The following ZBED4 variants were observed in gnomAD, a reference collection of about 807,000 sequenced individuals.
The protein encoded by ZBED4 is zinc finger BED domain-containing protein 4.
ZBED4 carries 4 observed loss-of-function variants against 15.5 expected under a neutral mutation model. That is an observed-to-expected ratio of 0.26 (90% CI 0.13 to 0.59). ZBED4 has a LOEUF of 0.59. ZBED4 is among the 20% of genes least tolerant of loss of function. The probability of loss-of-function intolerance (pLI) is 0.90; values close to 1 mark genes in which losing one functional copy is unlikely to be tolerated. For synonymous variants in ZBED4, 692 were observed against 608.5 expected (o/e 1.14, Z -2.02); for missense variants, 1,323 against 1,461.8 (o/e 0.91, Z 1.55).
Position 49,886,405 on chromosome 22 carries a change from G to A in ZBED4, c.2743G>A (p.Glu915Lys), listed in dbSNP as rs749555255. ...QKRAINEMSV[E>K]CNFRELISCD... ...AAGGGCCATTAACGAGATGTCCGTC[G>A]AGTGTAACTTCCGAGAGCTGATCAG... is the stretch of plus-strand genomic sequence containing the variant. Residue 915 changes from glutamate to lysine, a missense_variant, in exon 2 of 2, where the codon GAG becomes AAG. Transcript: ENST00000216268. The surrounding 1 kb of genome is among the most constrained non-coding windows in gnomAD (Gnocchi z 7.7). 1.2e-5 allele frequency: 20 copies of A among 1,605,238 alleles called. No individual in the cohort carries two copies. Among genetic ancestry groups the A allele is most frequent in the South Asian group, 1.0e-4 (9 of 90,330 alleles).
In ZBED4 at chr22:49,888,563, G is replaced by C; in HGVS notation, c.*1385G>C. The C allele has an allele frequency of 6.0e-6, 1 of 167,264 alleles. No individual in the cohort carries two copies. Among genetic ancestry groups the C allele is most frequent in the Non-Finnish European group, 1.5e-5 (1 of 68,134 alleles). 10.4% of individuals were successfully genotyped at this position (167,264 alleles called of 1,614,324 possible). On this transcript the variant is annotated 3_prime_UTR_variant, in exon 2 of 2. Transcript: ENST00000216268. ...TGAAATTTCACCTTAACCCCAGACA[G>C]GGCTCCAGGGAAGTGGAGATGTAAT...
chr22:49,884,577 C>G lies in ZBED4; in HGVS notation c.915C>G (p.Val305=), dbSNP rs770426696. The change falls in exon 2 of 2, where the codon GTC becomes GTG. Residue 305 remains valine (V), a synonymous_variant. Transcript: ENST00000216268. The part of the protein sequence containing the change: ...YLSPLDNSKA[V]CIHCMNEFSR... Reference sequence around the variant, plus strand: ...CGCCACTGGACAACTCCAAAGCTGTCTGCATTCACTGCATGAACGAGTTCA... The same window carrying G: ...CGCCACTGGACAACTCCAAAGCTGTGTGCATTCACTGCATGAACGAGTTCA... 6.2e-7 allele frequency: 1 copy of G among 1,612,414 alleles called. No individual in the cohort carries two copies. Among genetic ancestry groups the G allele is most frequent in the Non-Finnish European group, 8.5e-7 (1 of 1,179,124 alleles).
intron 1 of ZBED4, among the ~76,000 whole-genome samples, chr22:49,870,524 G>A (rs1444682550): frequency 2.0e-5 from 3 of 152,046 alleles, no homozygotes; most frequent in East Asian, 1.9e-4. Flanking sequence ...CCATTGTGAC[G>A]GGTGTGAGAT....
At chr22:49,880,287 A>G (rs2060402060) in intron 1 of ZBED4, among the ~76,000 whole-genome samples, 1 of 152,158 alleles carries the variant, frequency 6.6e-6, no homozygotes. Context: ...GAGCCCTGGC[A>G]GTTCTTTTCC....
intron 1 of ZBED4, among the ~76,000 whole-genome samples, chr22:49,862,128 G>T (rs2060299840): frequency 6.6e-6 from 1 of 152,218 alleles, no homozygotes; most frequent in South Asian, 2.1e-4. Context: ...TACTGAATTG[G>T]ATGTAGCACG....
chr22:49,856,415 C>T (rs902501657), intron 1 of ZBED4, among the ~76,000 whole-genome samples: 5 of 152,332 alleles, frequency 3.3e-5, no homozygotes, highest in East Asian at 3.9e-4. Context: ...AAGCATGCTC[C>T]GGAGACCTCA....
chr22:49,857,116 C>G lies in ZBED4; in HGVS notation c.-330+3127C>G, dbSNP rs986436049. The stretch of plus-strand genomic sequence containing the variant: ...GACTTCCTCCAAAGCTGCTCCTCAT[C>G]GAGGCCCACCTGGTGGTCTCTGCTC... On this transcript the variant is annotated intron_variant, in intron 1 of 1. Coordinates refer to ENST00000216268, the MANE Select transcript of ZBED4 (RefSeq NM_014838.3). Among the ~76,000 whole-genome samples, 3 of 152,200 alleles carry G rather than the reference C, an allele frequency of 2.0e-5. No individual in the cohort carries two copies. In the South Asian group the frequency reaches 6.2e-4, roughly 31 times the overall value.
chr22:49,867,685 G>A (rs1368091487), intron 1 of ZBED4, among the ~76,000 whole-genome samples: 1 of 152,146 alleles, frequency 6.6e-6, no homozygotes, highest in African/African-American at 2.4e-5. Flanking sequence ...TGTATCACAC[G>A]CTTGATGACA....
chr22:49,881,148 C>G (rs1569163331), intron 1 of ZBED4, among the ~76,000 whole-genome samples: 1 of 152,102 alleles, frequency 6.6e-6, no homozygotes, highest in Non-Finnish European at 1.5e-5. Context: ...GAGTTCAAGA[C>G]CAGCCTGGCC....
At position 49,887,070 on chromosome 22, in the gene ZBED4, C is replaced by T. The variant is rs1196787981; in HGVS notation, c.3408C>T (p.Asn1136=). ...TCGTCCCTTCAGAAAAGCTGTTCAACACACCCACTGAGAACGGTAGCCTTG... is the reference window on the plus strand; with the variant it reads ...TCGTCCCTTCAGAAAAGCTGTTCAATACACCCACTGAGAACGGTAGCCTTG... ...PSIVPSEKLF[N]TPTENGSLGQ... Residue 1136 remains asparagine, a synonymous_variant, in exon 2 of 2, where the codon AAC becomes AAT. Coordinates refer to ENST00000216268, the MANE Select transcript of ZBED4 (RefSeq NM_014838.3). 2 of 1,614,070 alleles carry T rather than the reference C, an allele frequency of 1.2e-6. No individual in the cohort carries two copies. The highest frequency in any genetic ancestry group is 1.7e-6 in the Non-Finnish European group (2 of 1,180,042).
At position 49,884,818 on chromosome 22, in the gene ZBED4, G is replaced by GCCT; in HGVS notation, c.1165_1167dup (p.Ser389dup). On this transcript the variant is annotated inframe_insertion, in exon 2 of 2. Transcript: ENST00000216268. ...AAAGCCGGTCAGAGAGTCCCCTTCG[G>GCCT]CCTCCTCCTCCCCTGACAGGCTGAC... 6.2e-7 allele frequency: 1 copy of GCCT among 1,610,476 alleles called. No individual in the cohort carries two copies.
At position 49,885,584 on chromosome 22, in the gene ZBED4, T is replaced by C; in HGVS notation, c.1922T>C (p.Phe641Ser). ...RGTELSGASS[F>S]DDTNEKFYDS... is the part of the protein sequence containing the mutation. The stretch of plus-strand genomic sequence containing the variant: ...ACAGAATTATCAGGCGCTTCCTCTT[T>C]TGATGACACCAATGAGAAGTTTTAC... The change falls in exon 2 of 2, where the codon TTT becomes TCT. Residue 641 changes from phenylalanine to serine, a missense_variant. This residue lies in a region of ZBED4 where 429 missense variants were observed against 397.9 expected (regional missense o/e 1.08). Coordinates refer to ENST00000216268, the MANE Select transcript of ZBED4 (RefSeq NM_014838.3). 5 of 1,605,680 alleles carry C rather than the reference T, an allele frequency of 3.1e-6. No homozygotes were observed. Among genetic ancestry groups the C allele is most frequent in the Non-Finnish European group, 4.3e-6 (5 of 1,173,500 alleles).
rs1358561449 is a variant in ZBED4 at position 49,883,668 on chromosome 22, G to A, written c.6G>A (p.Glu2=). 10 of 1,576,654 alleles carry A rather than the reference G, an allele frequency of 6.3e-6. 1 individual carries two copies. In the Admixed American group the frequency reaches 1.2e-4, roughly 19 times the overall value. The change falls in exon 2 of 2, where the codon GAG becomes GAA. Residue 2 remains glutamate (E), a synonymous_variant. Transcript: ENST00000216268. ...CGGAGTAGTTATGGTCAGTCATGGA[G>A]AATAACTTGAAAACTTGTCCCAAAG... M[E]NNLKTCPKED...
intron 1 of ZBED4, among the ~76,000 whole-genome samples, chr22:49,867,340 G>T (rs138875172): frequency 6.6e-6 from 1 of 152,156 alleles, no homozygotes; most frequent in African/African-American, 2.4e-5. Flanking sequence ...AGGTTCCCTG[G>T]GCCCCTGAAG....
chr22:49,886,855 T>C lies in ZBED4; in HGVS notation c.3193T>C (p.Trp1065Arg). 6.2e-7 allele frequency: 1 copy of C among 1,614,068 alleles called. No homozygotes were observed. Among genetic ancestry groups the C allele is most frequent in the Non-Finnish European group, 8.5e-7 (1 of 1,180,020 alleles). ...SKDSAAEENL[W>R]SLVAKVKKKD... is the part of the protein sequence containing the mutation. ...AGACTCTGCCGCAGAGGAGAACCTG[T>C]GGTCACTTGTGGCCAAGGTGAAGAA... The change falls in exon 2 of 2, where the codon TGG (tryptophan) becomes CGG (arginine). Residue 1065 changes from tryptophan (W) to arginine (R), a missense_variant. Around this residue, in one of 6 missense-constraint regions of ZBED4, gnomAD observed 312 missense variants for 410.7 expected, o/e 0.76. Coordinates refer to ENST00000216268, the MANE Select transcript of ZBED4 (RefSeq NM_014838.3). The surrounding 1 kb of genome is among the most constrained non-coding windows in gnomAD (Gnocchi z 7.7).
Position 49,884,343 on chromosome 22 carries a change from G to T in ZBED4, c.681G>T (p.Val227=). The change falls in exon 2 of 2, where the codon GTG becomes GTT. Residue 227 remains valine (V), a synonymous_variant. Transcript: ENST00000216268. ...PSPDRITEES[V]SVVSSEEISS... is the part of the protein sequence containing the mutation. ...CCGATCGAATAACAGAGGAGTCTGT[G>T]TCTGTAGTTTCTTCTGAAGAAATCT... 1 of 1,613,522 alleles carries T rather than the reference G, an allele frequency of 6.2e-7. No individual in the cohort carries two copies.
rs1569166151 is a variant in ZBED4 at position 49,886,634 on chromosome 22, G to A, written c.2972G>A (p.Ser991Asn). The change falls in exon 2 of 2, where the codon AGC becomes AAC. Residue 991 changes from serine (S) to asparagine (N), a missense_variant. By Grantham distance (46) the Ser-to-Asn change is conservative. This residue lies in a region of ZBED4 where 312 missense variants were observed against 410.7 expected (regional missense o/e 0.76). Transcript: ENST00000216268. The surrounding 1 kb of genome is among the most constrained non-coding windows in gnomAD (Gnocchi z 7.7). ...CGCTCTCTGAAGGAGGCCATGGTGA[G>A]CCGCCTGTCTGCCACCCTCCACGAC... The part of the protein sequence containing the change: ...MLRSLKEAMV[S>N]RLSATLHDPR... The A allele has an allele frequency of 6.3e-7, 1 of 1,587,314 alleles. No homozygotes were observed. The highest frequency in any genetic ancestry group is 8.6e-7 in the Non-Finnish European group (1 of 1,167,778).
upstream of ZBED4, chr22:49,853,774 A>AGGCCCCGCCCCCGATC (rs1016528721): frequency 1.4e-4 from 21 of 146,790 alleles, no homozygotes; most frequent in Non-Finnish European, 2.7e-4. Context: ...CTGCGAGAGT[A>AGGCCCCGCCCCCGATC]GGCCCCGCCC....
chr22:49,863,970 G>C (rs2060309023), intron 1 of ZBED4, among the ~76,000 whole-genome samples: 2 of 152,188 alleles, frequency 1.3e-5, no homozygotes. Context: ...AACTCTCTCA[G>C]AGGTTTCTGG....
Sources: allele counts gnomAD v4.1 joint callset (sites outside exome capture counted in the v4.1 genomes callset), GRCh38; gene constraint gnomAD v4.1.1; regional missense constraint gnomAD v4.1.1; non-coding constraint Gnocchi (gnomAD v3.1); transcripts MANE v1.5; gene names NCBI Gene and HGNC (gene_info 2026-07-23, HGNC 2026-07-21).